The following AK5 variants were observed in gnomAD, a reference collection of about 807,000 sequenced individuals.
The protein encoded by AK5 is adenylate kinase 5, also known as adenylate kinase isoenzyme 5.
AK5 carries 27 observed loss-of-function variants against 69.5 expected under a neutral mutation model. The observed-to-expected ratio is 0.39, with a 90% CI of 0.29 to 0.54. The LOEUF (loss-of-function observed/expected upper bound fraction) is 0.54. Among genes scored for constraint, AK5 ranks in the 20% least tolerant of loss-of-function variants. The probability of loss-of-function intolerance (pLI) is 0.71; values close to 1 mark genes in which losing one functional copy is unlikely to be tolerated. For synonymous variants in AK5, 260 were observed against 244.4 expected, an observed-to-expected ratio of 1.06 and a Z score of -0.60; for missense variants, 531 against 700.4, an observed-to-expected ratio of 0.76 and a Z score of 2.73.
chr1:77,548,539 A>T (rs1659654623), intron 13 of AK5, among the ~76,000 whole-genome samples: 1 of 152,180 alleles, frequency 6.6e-6, no homozygotes, highest in Admixed American at 6.5e-5. Context: ...ACAGACCGTG[A>T]TCCTAAACCA....
intron 6 of AK5, among the ~76,000 whole-genome samples, chr1:77,395,031 C>T (rs913388360): frequency 3.4e-5 from 5 of 148,148 alleles, no homozygotes; most frequent in African/African-American, 1.2e-4. Context: ...TCCTCTCCCT[C>T]ATTTGTTCCT....
At chr1:77,482,770 CAAA>C (rs11350511) in intron 8 of AK5, among the ~76,000 whole-genome samples, 6 of 133,530 alleles carry the variant, frequency 4.5e-5, no homozygotes, top group East Asian at 2.1e-4. Context: ...GACTATGTCT[CAAA>C]AAAAAAAAAA....
intron 8 of AK5, among the ~76,000 whole-genome samples, chr1:77,465,864 G>A (rs977173545): frequency 2.0e-5 from 3 of 152,080 alleles, no homozygotes; most frequent in African/African-American, 4.8e-5. Context: ...AAATTCTTGC[G>A]ATCATCTCAT....
Position 77,444,310 on chromosome 1 carries a change from C to T in AK5, c.1059+26595C>T, listed in dbSNP as rs12745549. ...TATGTGTATATATATAGTATATATA[C>T]ACAATATATGTGTATATATATAGTA... On this transcript the variant is annotated intron_variant, in intron 8 of 13. Coordinates refer to ENST00000354567, the MANE Select transcript of AK5 (RefSeq NM_174858.3). Among the ~76,000 whole-genome samples the T allele has an allele frequency of 1.3e-3, 69 of 51,412 alleles. 8 individuals are homozygous for T. The highest frequency in any genetic ancestry group is 3.4e-3 in the African/African-American group (37 of 11,036). 33.7% of individuals were successfully genotyped at this position (51,412 alleles called of 152,430 possible). A position where few individuals can be genotyped will look rare whatever the true frequency, so the allele number is the denominator to read the frequency against.
At chr1:77,363,601 C>T (rs900305902) in intron 6 of AK5, among the ~76,000 whole-genome samples, 4 of 152,118 alleles carry the variant, frequency 2.6e-5, no homozygotes, top group Admixed American at 1.3e-4. Context: ...TCTCTATGAC[C>T]TTATCAGCTC....
intron 12 of AK5, among the ~76,000 whole-genome samples, chr1:77,531,835 G>A (rs1658617849): frequency 7.0e-6 from 1 of 142,444 alleles, no homozygotes; most frequent in Admixed American, 6.9e-5. Flanking sequence ...CTGGTGCCGC[G>A]CAGGAGACCA....
At chr1:77,467,881 A>G (rs1048121029) in intron 8 of AK5, among the ~76,000 whole-genome samples, 1 of 152,174 alleles carries the variant, frequency 6.6e-6, no homozygotes, top group Non-Finnish European at 1.5e-5. Flanking sequence ...CTGCACTTAC[A>G]TCATCCCTTC....
intron 6 of AK5, among the ~76,000 whole-genome samples, chr1:77,348,563 C>G (rs545996259): frequency 2.4e-4 from 36 of 152,246 alleles, no homozygotes; most frequent in African/African-American, 8.7e-4. Flanking sequence ...TCTACAAATA[C>G]TCTAGTTAAG....
intron 12 of AK5, among the ~76,000 whole-genome samples, chr1:77,529,454 AGCGGG>A (rs1557656355): frequency 1.3e-5 from 2 of 151,252 alleles, no homozygotes; most frequent in South Asian, 4.2e-4. Flanking sequence ...CTGCCTCAGC[AGCGGG>A]GATTACAGGT....
intron 13 of AK5, among the ~76,000 whole-genome samples, chr1:77,537,478 G>T (rs533182388): frequency 2.0e-5 from 3 of 152,164 alleles, no homozygotes; most frequent in Non-Finnish European, 4.4e-5. Context: ...TCCTTATGGG[G>T]AATGGATGCA....
intron 5 of AK5, among the ~76,000 whole-genome samples, chr1:77,312,576 C>T (rs1660020152): frequency 6.7e-6 from 1 of 148,442 alleles, no homozygotes; most frequent in Non-Finnish European, 1.5e-5. Flanking sequence ...GATTGCATCA[C>T]CACACTCCAG....
At chr1:77,309,399 G>A (rs1258973320) in intron 5 of AK5, among the ~76,000 whole-genome samples, 6 of 152,026 alleles carry the variant, frequency 3.9e-5, no homozygotes, top group Non-Finnish European at 7.3e-5. Context: ...CTACACGTTC[G>A]ACATGCTGTA....
intron 3 of AK5, 96 bp from the exon 4 acceptor site, chr1:77,297,463 G>A: frequency 8.5e-7 from 1 of 1,179,478 alleles, no homozygotes. Flanking sequence ...CTGTCTTGGT[G>A]ACACAGAATT....
At chr1:77,373,379 T>C (rs1046010089) in intron 6 of AK5, among the ~76,000 whole-genome samples, 1 of 152,194 alleles carries the variant, frequency 6.6e-6, no homozygotes, top group Non-Finnish European at 1.5e-5. Context: ...TGCTTACATA[T>C]ATTAATAGTA....
At chr1:77,444,731 T>C (rs181845362) in intron 8 of AK5, among the ~76,000 whole-genome samples, 2 of 143,848 alleles carry the variant, frequency 1.4e-5, no homozygotes, top group Admixed American at 7.2e-5. Flanking sequence ...TACAAATATA[T>C]GTATATATTT....
chr1:77,401,415 C>T (rs1270281254), intron 6 of AK5, among the ~76,000 whole-genome samples: 3 of 152,074 alleles, frequency 2.0e-5, no homozygotes, highest in African/African-American at 7.2e-5. Flanking sequence ...TTGCATGAAT[C>T]AAGGGAGAAG....
intron 5 of AK5, among the ~76,000 whole-genome samples, chr1:77,304,105 C>T (rs1485156361): frequency 6.6e-6 from 1 of 152,128 alleles, no homozygotes; most frequent in Non-Finnish European, 1.5e-5. Context: ...TTCATTCTTT[C>T]TAACATTTTT....
intron 8 of AK5, among the ~76,000 whole-genome samples, chr1:77,450,907 G>T (rs1653103447): frequency 6.6e-6 from 1 of 152,126 alleles, no homozygotes; most frequent in African/African-American, 2.4e-5. Flanking sequence ...CTGGTGCAGT[G>T]GTTCACACCT....
chr1:77,502,761 TAC>T (rs1166776695), intron 10 of AK5, among the ~76,000 whole-genome samples: 2 of 152,206 alleles, frequency 1.3e-5, no homozygotes, highest in Admixed American at 1.3e-4. Flanking sequence ...CCCAGAGGCC[TAC>T]AGTTTACTCT....
Sources: allele counts gnomAD v4.1 joint callset (sites outside exome capture counted in the v4.1 genomes callset), GRCh38; gene constraint gnomAD v4.1.1; transcripts MANE v1.5; gene names NCBI Gene and HGNC (gene_info 2026-07-23, HGNC 2026-07-21).